The following SLC23A2 variants were observed in gnomAD, a reference collection of about 807,000 sequenced individuals.
The protein encoded by SLC23A2 is Na(+)/L-ascorbic acid transporter 2.
SLC23A2 carries 36 observed loss-of-function variants against 73.3 expected under a neutral mutation model. The observed-to-expected ratio is 0.49, with a 90% CI of 0.38 to 0.65. SLC23A2 has a LOEUF of 0.65. SLC23A2 is among the 30% of genes least tolerant of loss of function. The pLI, the probability that SLC23A2 is intolerant of heterozygous loss-of-function variation, is 0.00. For synonymous variants in SLC23A2, 343 were observed against 327.3 expected (o/e 1.05, Z -0.52); for missense variants, 507 against 841.6 (o/e 0.60, Z 4.92).
At chr20:4,960,362 T>C (rs75686664) in intron 2 of SLC23A2, among the ~76,000 whole-genome samples, 4,963 of 152,328 alleles carry the variant, frequency 0.033, 134 homozygotes, top group South Asian at 0.083. Context: ...ATTTAGTTGG[T>C]TGAAACTGTG....
At position 4,862,090 on chromosome 20, in the gene SLC23A2, A is replaced by G; in HGVS notation, c.1487-5T>C. 6.2e-7 allele frequency: 1 copy of G among 1,614,070 alleles called. No homozygotes were observed. The highest frequency in any genetic ancestry group is 8.5e-7 in the Non-Finnish European group (1 of 1,179,970). ...GGCCAACAGCTGTGATCATTCCTGG[A>G]GAAAAACAAACCAGACCACAAGCTC... On this transcript the variant is annotated splice_polypyrimidine_tract_variant and splice_region_variant and intron_variant, in intron 14 of 16. Transcript: ENST00000338244. The surrounding 1 kb of genome is among the most constrained non-coding windows in gnomAD (Gnocchi z 5.1).
At position 4,874,562 on chromosome 20, in the gene SLC23A2, A is replaced by G; in HGVS notation, c.945+14T>C. 4 of 1,581,212 alleles carry G rather than the reference A, an allele frequency of 2.5e-6. No homozygotes were observed. The highest frequency in any genetic ancestry group is 3.4e-6 in the Non-Finnish European group (4 of 1,164,270). On this transcript the variant is annotated intron_variant, in intron 10 of 16. Coordinates refer to ENST00000338244, the MANE Select transcript of SLC23A2 (RefSeq NM_005116.6). ...GGGCAAAAATGTCAGCAGGGGAAGAAGTCAGCTACTCACAGGGAACATTTT... is the reference window on the plus strand; with the variant it reads ...GGGCAAAAATGTCAGCAGGGGAAGAGGTCAGCTACTCACAGGGAACATTTT...
intron 3 of SLC23A2, among the ~76,000 whole-genome samples, chr20:4,921,026 T>C (rs909202914): frequency 3.9e-5 from 6 of 152,194 alleles, no homozygotes; most frequent in Non-Finnish European, 8.8e-5. Flanking sequence ...TTGGCTTCAC[T>C]GAAACTCAAA....
rs187242965 is a variant in SLC23A2 at position 4,937,480 on chromosome 20, C to A, written c.-154-4764G>T. 9.9e-5 allele frequency among the ~76,000 whole-genome samples: 15 copies of A among 152,264 alleles called. No individual in the cohort carries two copies. The East Asian group carries it at 2.9e-3, about 29-fold the overall frequency. On this transcript the variant is annotated intron_variant, in intron 2 of 16. Transcript: ENST00000338244. ...CAATGGCAGTAATAACTGCAATTTTCCAGTTGCTAAGTGTCGGTGTGTGCC... is the reference window on the plus strand; with the variant it reads ...CAATGGCAGTAATAACTGCAATTTTACAGTTGCTAAGTGTCGGTGTGTGCC...
intron 3 of SLC23A2, among the ~76,000 whole-genome samples, chr20:4,913,827 A>G (rs1032416714): frequency 2.0e-5 from 3 of 151,778 alleles, no homozygotes; most frequent in Non-Finnish European, 4.4e-5. Context: ...GGGTTTCACC[A>G]TGTTGGTCAG....
rs1450391742 is a variant in SLC23A2 at position 4,857,439 on chromosome 20, AC to A, written c.1721-236del. ...CAAACCAGAAGTCTAAGAAGCACTA[AC>A]CCCTCCATGTCCTCATTCAAGCAAT... On this transcript the variant is annotated intron_variant, in intron 16 of 16. Transcript: ENST00000338244. This position sits in a 1 kb window ranked among gnomAD's most constrained non-coding sequence, Gnocchi z 4.0. Among the ~76,000 whole-genome samples the A allele has an allele frequency of 6.6e-6, 1 of 151,962 alleles. No individual in the cohort carries two copies. Among genetic ancestry groups the A allele is most frequent in the African/African-American group, 2.4e-5 (1 of 41,374 alleles).
intron 4 of SLC23A2, among the ~76,000 whole-genome samples, chr20:4,912,296 AC>A (rs1251957441): frequency 6.6e-6 from 1 of 152,084 alleles, no homozygotes; most frequent in Non-Finnish European, 1.5e-5. Flanking sequence ...CCATTGGCAC[AC>A]TAAGGTGCCA....
At chr20:4,964,832 C>G (rs201349079) in intron 2 of SLC23A2, among the ~76,000 whole-genome samples, 1 of 88,546 alleles carries the variant, frequency 1.1e-5, no homozygotes, top group African/African-American at 4.5e-5. Context: ...GACTCTGTCT[C>G]AAAAAAAAAA....
chr20:4,873,539 G>C (rs781144439), intron 11 of SLC23A2, among the ~76,000 whole-genome samples: 13 of 152,192 alleles, frequency 8.5e-5, no homozygotes, highest in Non-Finnish European at 1.8e-4. Context: ...TGCTTGAGCA[G>C]GTTGCTTGCT....
At chr20:4,967,787 T>TTA (rs1419112705) in intron 2 of SLC23A2, among the ~76,000 whole-genome samples, 2 of 152,146 alleles carry the variant, frequency 1.3e-5, no homozygotes, top group Non-Finnish European at 2.9e-5. Context: ...TCTGTGGTGG[T>TTA]TCTAGCAAAT....
At chr20:4,880,634 GA>G (rs1930845654) in intron 9 of SLC23A2, among the ~76,000 whole-genome samples, 1 of 151,956 alleles carries the variant, frequency 6.6e-6, no homozygotes, top group South Asian at 2.1e-4. Context: ...GAGGAAACAG[GA>G]AGAGTCCAGG....
chr20:4,942,114 C>A (rs2087050862), intron 2 of SLC23A2, among the ~76,000 whole-genome samples: 1 of 152,176 alleles, frequency 6.6e-6, no homozygotes, highest in African/African-American at 2.4e-5. Context: ...AGGGGAAAGG[C>A]TGGTTCCCCT....
intron 2 of SLC23A2, among the ~76,000 whole-genome samples, chr20:4,942,144 A>C (rs1400830956): frequency 6.6e-6 from 1 of 152,160 alleles, no homozygotes; most frequent in Non-Finnish European, 1.5e-5. Flanking sequence ...TACCCCCTTT[A>C]CAATGTAATG....
At position 4,856,920 on chromosome 20, in the gene SLC23A2, G is replaced by T; in HGVS notation, c.*52C>A. 8.8e-7 allele frequency: 1 copy of T among 1,135,512 alleles called. No homozygotes were observed. Among genetic ancestry groups the T allele is most frequent in the South Asian group, 1.3e-5 (1 of 77,810 alleles). 70.3% of individuals were successfully genotyped at this position (1,135,512 alleles called of 1,614,324 possible). ...TATTTTACTTCTTGTTACTCAGCAA[G>T]GAACTACAGATACATGCCTCACTGC... On this transcript the variant is annotated 3_prime_UTR_variant, in exon 17 of 17. Coordinates refer to ENST00000338244, the MANE Select transcript of SLC23A2 (RefSeq NM_005116.6). The surrounding 1 kb of genome is among the most constrained non-coding windows in gnomAD (Gnocchi z 4.6).
intron 9 of SLC23A2, among the ~76,000 whole-genome samples, chr20:4,880,091 T>G (rs560407230): frequency 6.6e-6 from 1 of 152,196 alleles, no homozygotes; most frequent in African/African-American, 2.4e-5. Flanking sequence ...GATTTGTTTG[T>G]TTTTTAACAC....
intron 1 of SLC23A2, among the ~76,000 whole-genome samples, chr20:5,008,868 T>G (rs1313932288): frequency 6.6e-6 from 1 of 152,084 alleles, no homozygotes; most frequent in Non-Finnish European, 1.5e-5. Flanking sequence ...CGCTCGGCCC[T>G]ACCACCCTTG....
rs1035368395 is a variant in SLC23A2, at chr20:4,899,905, C to T, written c.325-193G>A. 1.3e-5 allele frequency among the ~76,000 whole-genome samples: 2 copies of T among 152,154 alleles called. No homozygotes were observed. The highest frequency in any genetic ancestry group is 2.4e-5 in the African/African-American group (1 of 41,414). On this transcript the variant is annotated intron_variant, in intron 5 of 16. Coordinates refer to ENST00000338244, the MANE Select transcript of SLC23A2 (RefSeq NM_005116.6). The surrounding 1 kb of genome is among the most constrained non-coding windows in gnomAD (Gnocchi z 4.9). ...CTTTGTTGTTAAGACAGTTTCACTC[C>T]CATTGCCCTCGACGGAGTGCAATGG... is the stretch of plus-strand genomic sequence containing the variant.
chr20:4,923,752 C>T (rs1434108382), intron 3 of SLC23A2, among the ~76,000 whole-genome samples: 4 of 152,274 alleles, frequency 2.6e-5, no homozygotes, highest in East Asian at 3.9e-4. Context: ...GCACCTGGTA[C>T]GAAAGTCACA....
At chr20:4,901,382 A>G (rs1931739649) in intron 5 of SLC23A2, among the ~76,000 whole-genome samples, 1 of 152,174 alleles carries the variant, frequency 6.6e-6, no homozygotes, top group Admixed American at 6.5e-5. Context: ...TGACCACACA[A>G]ACTTGAGAAG....
Sources: allele counts gnomAD v4.1 joint callset (sites outside exome capture counted in the v4.1 genomes callset), GRCh38; gene constraint gnomAD v4.1.1; non-coding constraint Gnocchi (gnomAD v3.1); transcripts MANE v1.5; gene names NCBI Gene and HGNC (gene_info 2026-07-23, HGNC 2026-07-21).